HYCC1: variants seen among roughly 807,000 people sequenced by gnomAD.
The protein encoded by HYCC1 is hyccin PI4KA lipid kinase complex subunit 1.
chr7:22,998,350 AATTTAG>A, the HYCC1 span, among the ~76,000 whole-genome samples: 1 of 152,096 alleles, frequency 6.6e-6, no homozygotes, highest in East Asian at 1.9e-4. Flanking sequence ...ATTTATTAAC[AATTTAG>A]ATTTCTTTTA....
the HYCC1 span, chr7:22,943,972 T>G: frequency 6.6e-6 from 1 of 152,202 alleles, no homozygotes; most frequent in Non-Finnish European, 1.5e-5. Context: ...AGAACTCGGT[T>G]TAAACTGGTA....
the HYCC1 span, among the ~76,000 whole-genome samples, chr7:22,897,986 C>T: frequency 1.4e-4 from 21 of 151,942 alleles, no homozygotes; most frequent in Admixed American, 4.6e-4. Flanking sequence ...GATTCTTCTA[C>T]GCCAACTCCT....
chr7:22,932,250 G>A, the HYCC1 span, among the ~76,000 whole-genome samples: 1 of 152,118 alleles, frequency 6.6e-6, no homozygotes, highest in Non-Finnish European at 1.5e-5. Context: ...TTTTGTGCCA[G>A]TAGGAACACT....
chr7:22,946,939 T>G, the HYCC1 span: 1 of 1,537,302 alleles, frequency 6.5e-7, no homozygotes, highest in Non-Finnish European at 8.8e-7. Flanking sequence ...AGTGGCCCTT[T>G]GCCTTAAGAT....
At chr7:22,979,475 C>T in the HYCC1 span, among the ~76,000 whole-genome samples, 1 of 152,048 alleles carries the variant, frequency 6.6e-6, no homozygotes, top group African/African-American at 2.4e-5. Flanking sequence ...TAAAGTCATG[C>T]CATTCAGAGA....
the HYCC1 span, among the ~76,000 whole-genome samples, chr7:22,971,446 C>T: frequency 6.6e-6 from 1 of 150,726 alleles, no homozygotes; most frequent in African/African-American, 2.4e-5. Context: ...AGGCTGAGGC[C>T]CCCAGAGTGC....
the HYCC1 span, chr7:22,942,395 G>A: frequency 6.6e-6 from 1 of 152,078 alleles, no homozygotes; most frequent in East Asian, 1.9e-4. Context: ...GGACTCCAGG[G>A]TGCTTTCCTG....
At chr7:22,940,260 TTTTTTTTTTG>T in the HYCC1 span, 1 of 138,548 alleles carries the variant, frequency 7.2e-6, no homozygotes, top group Admixed American at 7.2e-5. Flanking sequence ...TTTTTTTTTT[TTTTTTTTTTG>T]AGATAGAGTC....
At chr7:22,954,326 T>A in the HYCC1 span, among the ~76,000 whole-genome samples, 5 of 151,168 alleles carry the variant, frequency 3.3e-5, no homozygotes, top group African/African-American at 1.2e-4. Context: ...AATGTTATTA[T>A]ACAGCAGAAA....
At chr7:22,997,431 G>C in the HYCC1 span, among the ~76,000 whole-genome samples, 1 of 152,070 alleles carries the variant, frequency 6.6e-6, no homozygotes, top group Non-Finnish European at 1.5e-5. Flanking sequence ...TCTATAAATG[G>C]ATTGTGACAC....
At chr7:22,916,067 T>A in the HYCC1 span, among the ~76,000 whole-genome samples, 1 of 152,202 alleles carries the variant, frequency 6.6e-6, no homozygotes, top group East Asian at 1.9e-4. Flanking sequence ...CATTAAAACC[T>A]AATCACCCTT....
the HYCC1 span, among the ~76,000 whole-genome samples, chr7:22,923,363 T>C: frequency 6.6e-6 from 1 of 152,028 alleles, no homozygotes; most frequent in Non-Finnish European, 1.5e-5. Context: ...TGAATGAAAA[T>C]GAAAATACAA....
the HYCC1 span, among the ~76,000 whole-genome samples, chr7:22,995,127 C>A: frequency 6.6e-6 from 1 of 152,178 alleles, no homozygotes; most frequent in Non-Finnish European, 1.5e-5. Context: ...AACCACTGGG[C>A]TTAGAGGTAA....
At chr7:22,929,139 T>G in the HYCC1 span, among the ~76,000 whole-genome samples, 67 of 152,336 alleles carry the variant, frequency 4.4e-4, no homozygotes, top group Admixed American at 3.6e-3. Flanking sequence ...GCTAGCCATA[T>G]GTAGAAAGCT....
chr7:22,935,206 T>C, the HYCC1 span: 2 of 152,284 alleles, frequency 1.3e-5, no homozygotes, highest in African/African-American at 2.4e-5. Flanking sequence ...AGTGTTGCTC[T>C]GCTATAGAAG....
the HYCC1 span, among the ~76,000 whole-genome samples, chr7:22,912,563 A>C: frequency 6.6e-6 from 1 of 152,224 alleles, no homozygotes; most frequent in Non-Finnish European, 1.5e-5. Flanking sequence ...CCTTTGCTTC[A>C]GCTTGCTCAA....
the HYCC1 span, chr7:22,978,106 G>GT: frequency 7.5e-6 from 5 of 666,254 alleles, no homozygotes; most frequent in African/African-American, 1.8e-5. Flanking sequence ...ATGTACGCTT[G>GT]TATGTCTCCC....
chr7:22,991,100 T>C, the HYCC1 span: 1 of 1,610,904 alleles, frequency 6.2e-7, no homozygotes, highest in Non-Finnish European at 8.5e-7. Context: ...CCCCTTTCTC[T>C]GAAGTAAACA....
the HYCC1 span, among the ~76,000 whole-genome samples, chr7:22,921,751 G>A: frequency 6.6e-6 from 1 of 151,942 alleles, no homozygotes; most frequent in Non-Finnish European, 1.5e-5. Context: ...TGTCAGCCTT[G>A]CAGAACCTGC....
Sources: allele counts gnomAD v4.1 joint callset (sites outside exome capture counted in the v4.1 genomes callset), GRCh38; gene constraint gnomAD v4.1.1; transcripts MANE v1.5; gene names NCBI Gene and HGNC (gene_info 2026-07-23, HGNC 2026-07-21).